The following AOPEP variants were observed in gnomAD, a reference collection of about 807,000 sequenced individuals.
The protein encoded by AOPEP is aminopeptidase O (putative).
A neutral mutation model predicts 98.1 loss-of-function variants in AOPEP; 77 were observed. The observed-to-expected ratio is 0.78, with a 90% confidence interval of 0.65 to 0.95. The LOEUF is 0.95. Ranked by LOEUF, AOPEP falls within the 40% of genes least tolerant of loss-of-function variation. AOPEP has a pLI of 0.00. For missense variants in AOPEP, 1,024 were observed against 1,024.7 expected, an observed-to-expected ratio of 1.00 and a Z score of 0.01; for synonymous variants, 346 against 365.3, an observed-to-expected ratio of 0.95 and a Z score of 0.60.
intron 1 of AOPEP, among the ~76,000 whole-genome samples, chr9:94,747,002 C>T (rs1347732166): frequency 6.7e-6 from 1 of 150,094 alleles, no homozygotes; most frequent in Non-Finnish European, 1.5e-5. Flanking sequence ...TCAACACAGG[C>T]ACTTTTTATA....
chr9:94,909,723 C>T (rs2051729802), intron 5 of AOPEP, among the ~76,000 whole-genome samples: 1 of 152,198 alleles, frequency 6.6e-6, no homozygotes, highest in Non-Finnish European at 1.5e-5. Context: ...AAGCCTCTAG[C>T]TTGGGGTGAG....
intron 9 of AOPEP, among the ~76,000 whole-genome samples, chr9:94,965,692 A>C (rs1261004038): frequency 2.0e-5 from 3 of 152,200 alleles, no homozygotes; most frequent in South Asian, 2.1e-4. Flanking sequence ...TCTGCAGTTA[A>C]ATGGGTGTCA....
intron 5 of AOPEP, among the ~76,000 whole-genome samples, chr9:94,842,483 C>T (rs1212851230): frequency 6.6e-6 from 1 of 152,184 alleles, no homozygotes; most frequent in Non-Finnish European, 1.5e-5. Context: ...TCCCCTTTCC[C>T]TCTATGTTAT....
intron 13 of AOPEP, among the ~76,000 whole-genome samples, chr9:95,043,207 CATATGTATCTGTATATGTG>C (rs2065492249): frequency 1.1e-5 from 1 of 94,156 alleles, no homozygotes; most frequent in Non-Finnish European, 2.5e-5. Flanking sequence ...TGTATATGTG[CATATGTATCTGTATATGTG>C]CATATATATA....
chr9:95,010,312 A>G (rs2062402120), intron 13 of AOPEP, among the ~76,000 whole-genome samples: 1 of 152,202 alleles, frequency 6.6e-6, no homozygotes, highest in Non-Finnish European at 1.5e-5. Context: ...GAATATTAAG[A>G]CTAATAAAAA....
chr9:94,820,207 A>T (rs1054655264), intron 5 of AOPEP, among the ~76,000 whole-genome samples: 6 of 152,010 alleles, frequency 3.9e-5, no homozygotes, highest in Admixed American at 6.6e-5. Flanking sequence ...TGGCCTCCCA[A>T]AGTGCTGGGA....
chr9:95,010,668 A>G (rs1036711716), intron 13 of AOPEP, among the ~76,000 whole-genome samples: 2 of 152,166 alleles, frequency 1.3e-5, no homozygotes, highest in Non-Finnish European at 2.9e-5. Flanking sequence ...ATTTCCATAG[A>G]AAAGCTTTAT....
chr9:94,728,742 G>A (rs958752996), intron 1 of AOPEP, among the ~76,000 whole-genome samples: 3 of 152,170 alleles, frequency 2.0e-5, no homozygotes, highest in Middle Eastern at 3.2e-3. Flanking sequence ...GATCTCCAGA[G>A]CAGAGGCCAC....
At chr9:94,753,307 T>G (rs935733424) in intron 1 of AOPEP, among the ~76,000 whole-genome samples, 2 of 152,178 alleles carry the variant, frequency 1.3e-5, no homozygotes, top group Non-Finnish European at 2.9e-5. Flanking sequence ...AATATTGACT[T>G]TAAAAAAGTT....
chr9:94,742,930 G>A (rs1239970933), intron 1 of AOPEP, among the ~76,000 whole-genome samples: 3 of 152,152 alleles, frequency 2.0e-5, no homozygotes, highest in Admixed American at 2.0e-4. Flanking sequence ...AGGCAGGGAT[G>A]TAGAGATCAG....
intron 9 of AOPEP, among the ~76,000 whole-genome samples, chr9:94,965,424 T>G (rs2059127415): frequency 6.6e-6 from 1 of 152,250 alleles, no homozygotes; most frequent in Non-Finnish European, 1.5e-5. Context: ...CCGGAAGAAA[T>G]GGACTGTGAC....
At chr9:95,112,735 G>A in the AOPEP span, among the ~76,000 whole-genome samples, 1 of 152,192 alleles carries the variant, frequency 6.6e-6, no homozygotes, top group Non-Finnish European at 1.5e-5. Context: ...AGACCGGTCT[G>A]GTCCTTCCCT....
chr9:94,840,724 A>T (rs1012059270), intron 5 of AOPEP, among the ~76,000 whole-genome samples: 6 of 152,020 alleles, frequency 3.9e-5, no homozygotes, highest in African/African-American at 1.2e-4. Context: ...AGAGTTTTGG[A>T]AGTTTATAGT....
At chr9:95,016,140 TTTCCCCC>T (rs1204182205) in intron 13 of AOPEP, among the ~76,000 whole-genome samples, 1 of 152,046 alleles carries the variant, frequency 6.6e-6, no homozygotes, top group Non-Finnish European at 1.5e-5. Flanking sequence ...TTTTTTTTTT[TTTCCCCC>T]CACGGTAAAC....
At chr9:94,776,643 T>C (rs996078374) in intron 3 of AOPEP, among the ~76,000 whole-genome samples, 4 of 152,208 alleles carry the variant, frequency 2.6e-5, no homozygotes, top group African/African-American at 9.6e-5. Context: ...TATAAATGGA[T>C]GTTTTACAAT....
chr9:95,041,446 G>GGGGGTGT (rs1554813291), intron 13 of AOPEP, among the ~76,000 whole-genome samples: 3 of 142,012 alleles, frequency 2.1e-5, no homozygotes, highest in African/African-American at 7.9e-5. Flanking sequence ...AGTCCTTGGG[G>GGGGGTGT]GTGTGTGTGT....
At chr9:95,115,751 C>T in the AOPEP span, among the ~76,000 whole-genome samples, 10 of 152,330 alleles carry the variant, frequency 6.6e-5, no homozygotes, top group African/African-American at 2.4e-4. Flanking sequence ...CTCTGAACTC[C>T]CGCGGCCCTT....
rs749567027 is a variant in AOPEP at position 94,909,620 on chromosome 9, A to G, written c.1365-14366A>G. Among the ~76,000 whole-genome samples the G allele has an allele frequency of 2.6e-5, 4 of 152,310 alleles. No homozygotes were observed. In the South Asian group the frequency reaches 8.3e-4, roughly 32 times the overall value. Reference sequence around the variant, plus strand: ...TTCCCAGAGAGAAGGCATCGCAGTCAACTGCTGTGACGTGTGTGACGTCCA... The same window carrying G: ...TTCCCAGAGAGAAGGCATCGCAGTCGACTGCTGTGACGTGTGTGACGTCCA... On this transcript the variant is annotated intron_variant, in intron 5 of 16. Transcript: ENST00000375315.
In AOPEP at chr9:95,005,176, C is replaced by G; in HGVS notation, c.1996C>G (p.Arg666Gly). The change falls in exon 12 of 17, where the codon CGC becomes GGC. Residue 666 changes from arginine (R) to glycine (G), a missense_variant. By Grantham distance (125) the Arg-to-Gly change is moderately radical. Around this residue, in one of 3 missense-constraint regions of AOPEP, gnomAD observed 566 missense variants for 551.7 expected, o/e 1.03. Coordinates refer to ENST00000375315, the MANE Select transcript of AOPEP (RefSeq NM_001193329.3). ...CCCGCAGCCGCTGCAGAGGGAGCGTCGCGCCGGGGCGGAGTGCGGGCTTGC... is the reference window on the plus strand; with the variant it reads ...CCCGCAGCCGCTGCAGAGGGAGCGTGGCGCCGGGGCGGAGTGCGGGCTTGC... The part of the protein sequence containing the change: ...GIPKPLQRER[R>G]AGAECGLARQ... 8.7e-7 allele frequency: 1 copy of G among 1,150,848 alleles called. No homozygotes were observed. The highest frequency in any genetic ancestry group is 1.1e-6 in the Non-Finnish European group (1 of 932,268). 71.3% of individuals were successfully genotyped at this position (1,150,848 alleles called of 1,614,324 possible). A position where few individuals can be genotyped will look rare whatever the true frequency, so the allele number is the denominator to read the frequency against.
Sources: gnomAD v4.1 joint callset for allele counts (sites outside exome capture counted in the v4.1 genomes callset) on GRCh38, gnomAD v4.1.1 for gene constraint, gnomAD v4.1.1 regional missense constraint, MANE v1.5 for transcripts, NCBI Gene and HGNC (gene_info 2026-07-23, HGNC 2026-07-21) for gene names.